The following EYA2 variants were observed in gnomAD, a reference collection of about 807,000 sequenced individuals.
The protein encoded by EYA2 is EYA transcriptional coactivator and phosphatase 2.
EYA2 carries 31 observed loss-of-function variants against 69.2 expected under a neutral mutation model. The ratio of observed to expected loss-of-function variants is 0.45; its 90% CI spans 0.34 to 0.60. EYA2 has a LOEUF of 0.60. EYA2 is among the 20% of genes least tolerant of loss of function. The pLI is 0.02. For missense variants in EYA2, 622 were observed against 701.2 expected, an observed-to-expected ratio of 0.89 and a Z score of 1.28; for synonymous variants, 257 against 279.4, an observed-to-expected ratio of 0.92 and a Z score of 0.80.
intron 5 of EYA2, among the ~76,000 whole-genome samples, chr20:47,053,426 G>A (rs1178584592): frequency 1.3e-5 from 2 of 152,116 alleles, no homozygotes; most frequent in Non-Finnish European, 2.9e-5. Flanking sequence ...AGCACTTTGG[G>A]AAACCAAGAT....
intron 1 of EYA2, among the ~76,000 whole-genome samples, chr20:46,955,301 C>T (rs962887800): frequency 5.3e-5 from 8 of 152,296 alleles, no homozygotes; most frequent in Non-Finnish European, 7.3e-5. Context: ...CCACCGGGCC[C>T]AGCTGTCATT....
intron 5 of EYA2, among the ~76,000 whole-genome samples, chr20:47,033,501 A>G (rs1984533833): frequency 6.6e-6 from 1 of 152,206 alleles, no homozygotes; most frequent in African/African-American, 2.4e-5. Flanking sequence ...GAGTTGGTCT[A>G]AGTCAATCCA....
At chr20:47,132,659 A>T (rs748201261) in intron 9 of EYA2, among the ~76,000 whole-genome samples, 1 of 152,324 alleles carries the variant, frequency 6.6e-6, no homozygotes, top group East Asian at 1.9e-4. Context: ...GCTCTCAACC[A>T]CTTTGCTTCA....
At chr20:46,906,482 G>C (rs113277197) in intron 1 of EYA2, among the ~76,000 whole-genome samples, 2,706 of 152,208 alleles carry the variant, frequency 0.018, 37 homozygotes, top group South Asian at 0.026. Context: ...CAGTGTCCGG[G>C]CACATCTAGT....
chr20:47,143,353 A>G (rs1259061791), intron 10 of EYA2, among the ~76,000 whole-genome samples: 3 of 152,106 alleles, frequency 2.0e-5, no homozygotes, highest in Admixed American at 6.6e-5. Context: ...ACTTAGCTCA[A>G]TTATCTCCCT....
Position 47,145,399 on chromosome 20 carries a change from G to A in EYA2, c.978+2251G>A, listed in dbSNP as rs111620322. 2.3e-3 allele frequency among the ~76,000 whole-genome samples: 345 copies of A among 152,244 alleles called. 1 individual carries two copies. The highest frequency in any genetic ancestry group is 7.9e-3 in the African/African-American group (327 of 41,542). On this transcript the variant is annotated intron_variant, in intron 10 of 15. Transcript: ENST00000327619. ...TGAAGGCCCCTGGGATCAGAGAGAA[G>A]GCATGGAGGCCGAAGTGCAGGAGTA...
At chr20:47,118,936 A>G (rs2032974631) in intron 9 of EYA2, among the ~76,000 whole-genome samples, 1 of 152,222 alleles carries the variant, frequency 6.6e-6, no homozygotes. Context: ...AGAGGGATTT[A>G]AATCCTCCAT....
At chr20:47,031,563 A>G (rs1984418180) in intron 5 of EYA2, among the ~76,000 whole-genome samples, 1 of 152,254 alleles carries the variant, frequency 6.6e-6, no homozygotes, top group South Asian at 2.1e-4. Flanking sequence ...AATGCCTGCC[A>G]GATCTCAGTG....
rs534696285 is a variant in EYA2 at position 46,919,508 on chromosome 20, T to C, written c.-11+24521T>C. Among the ~76,000 whole-genome samples, 9 of 152,362 alleles carry C rather than the reference T, an allele frequency of 5.9e-5. No individual in the cohort carries two copies. In the South Asian group the frequency reaches 1.9e-3, roughly 32 times the overall value. On this transcript the variant is annotated intron_variant, in intron 1 of 15. Coordinates refer to ENST00000327619, the MANE Select transcript of EYA2 (RefSeq NM_005244.5). ...TTAAACCTCCTGAACTCTTGGTAGC[T>C]TCAAACTTTTCTTCTGCAGCTTCCT...
intron 10 of EYA2, chr20:47,161,606 G>A (rs762586227): frequency 1.7e-4 from 43 of 255,712 alleles, no homozygotes; most frequent in African/African-American, 2.5e-4. Flanking sequence ...GGCCCTGTCC[G>A]CGGCTATGAC....
At chr20:46,903,133 G>A (rs916910315) in intron 1 of EYA2, among the ~76,000 whole-genome samples, 15 of 152,192 alleles carry the variant, frequency 9.9e-5, no homozygotes, top group African/African-American at 3.6e-4. Context: ...CTGTTTACTG[G>A]AGAGCCAGAG....
chr20:46,932,458 C>G (rs1985712145), intron 1 of EYA2, among the ~76,000 whole-genome samples: 1 of 152,214 alleles, frequency 6.6e-6, no homozygotes, highest in Admixed American at 6.5e-5. Flanking sequence ...CCACCCAAAT[C>G]TCATCTTGAA....
At chr20:47,153,681 G>A (rs897005807) in intron 10 of EYA2, among the ~76,000 whole-genome samples, 1 of 151,782 alleles carries the variant, frequency 6.6e-6, no homozygotes, top group African/African-American at 2.4e-5. Flanking sequence ...TGAGAAGTTA[G>A]TGAAAGTGGG....
chr20:47,090,724 C>T (rs752444146), intron 8 of EYA2, among the ~76,000 whole-genome samples: 2 of 152,180 alleles, frequency 1.3e-5, no homozygotes, highest in African/African-American at 2.4e-5. Flanking sequence ...TACAATATAA[C>T]TTTGTTAACT....
At chr20:46,900,353 C>T (rs1984035035) in intron 1 of EYA2, among the ~76,000 whole-genome samples, 1 of 152,152 alleles carries the variant, frequency 6.6e-6, no homozygotes, top group East Asian at 1.9e-4. Flanking sequence ...ATTCATCTCC[C>T]AAGAATGGCC....
At chr20:46,923,656 A>C (rs912937791) in intron 1 of EYA2, among the ~76,000 whole-genome samples, 2 of 152,212 alleles carry the variant, frequency 1.3e-5, no homozygotes, top group African/African-American at 4.8e-5. Flanking sequence ...TGTAACTCTG[A>C]AATGATGCAC....
rs141817169 is a variant in EYA2, at chr20:46,927,704, G to A, written c.-11+32717G>A. On this transcript the variant is annotated intron_variant, in intron 1 of 15. Coordinates refer to ENST00000327619, the MANE Select transcript of EYA2 (RefSeq NM_005244.5). ...TCCCACTGGGCCCCTCCTACAACAC[G>A]TGGGAATTATGGGAGCTACAGTTCA... Among the ~76,000 whole-genome samples the A allele has an allele frequency of 2.3e-3, 343 of 152,286 alleles. 2 individuals carry two copies. Among genetic ancestry groups the A allele is most frequent in the African/African-American group, 7.6e-3 (316 of 41,568 alleles).
At chr20:46,959,300 C>G (rs1979325183) in intron 1 of EYA2, among the ~76,000 whole-genome samples, 1 of 152,202 alleles carries the variant, frequency 6.6e-6, no homozygotes, top group African/African-American at 2.4e-5. Context: ...AGAGTCTCTC[C>G]CCTTGGCACT....
chr20:46,944,784 A>C (rs768410719), intron 1 of EYA2, among the ~76,000 whole-genome samples: 1 of 152,028 alleles, frequency 6.6e-6, no homozygotes, highest in African/African-American at 2.4e-5. Flanking sequence ...TGCTACATTT[A>C]TTTTTTCCTG....
Sources: gnomAD v4.1 joint callset for allele counts (sites outside exome capture counted in the v4.1 genomes callset) on GRCh38, gnomAD v4.1.1 for gene constraint, MANE v1.5 for transcripts, NCBI Gene and HGNC (gene_info 2026-07-23, HGNC 2026-07-21) for gene names.